SNRNP70: variants seen among roughly 807,000 people sequenced by gnomAD.
The protein encoded by SNRNP70 is small nuclear ribonucleoprotein U1 subunit 70.
In SNRNP70, 8 loss-of-function variants were observed where a neutral mutation model predicts 50.5. That is an observed-to-expected ratio of 0.16 (90% CI 0.09 to 0.29). SNRNP70 has a LOEUF of 0.29. Ranked by LOEUF, SNRNP70 falls within the 10% of genes least tolerant of loss-of-function variation. The pLI, the probability that SNRNP70 is intolerant of heterozygous loss-of-function variation, is 1.00. For synonymous variants in SNRNP70, 320 were observed against 252.9 expected (o/e 1.27, Z -2.52); for missense variants, 529 against 663.5 (o/e 0.80, Z 2.23).
rs774134257 is a variant in SNRNP70 at position 49,108,254 on chromosome 19, CCGCGAG to C, written c.1127_1132del (p.Arg376_Glu377del). The C allele has an allele frequency of 1.9e-5, 30 of 1,547,524 alleles. No individual in the cohort carries two copies. The highest frequency in any genetic ancestry group is 2.4e-5 in the East Asian group (1 of 41,248). The stretch of plus-strand genomic sequence containing the variant: ...ACCGGGATCGTGACCGTGACCGTGA[CCGCGAG>C]CACAAACGGGGGGAGCGGGGCAGTG... On this transcript the variant is annotated inframe_deletion, in exon 10 of 10. Transcript: ENST00000598441.
chr19:49,101,416 A>T lies in SNRNP70; in HGVS notation c.420A>T (p.Ser140=). 1 of 1,614,040 alleles carries T rather than the reference A, an allele frequency of 6.2e-7. No homozygotes were observed. Among genetic ancestry groups the T allele is most frequent in the Non-Finnish European group, 8.5e-7 (1 of 1,179,940 alleles). Residue 140 remains serine, a synonymous_variant, in exon 7 of 10, where the codon TCA becomes TCT. Transcript: ENST00000598441. The part of the protein sequence containing the change: ...KRIHMVYSKR[S]GKPRGYAFIE... ...TACACATGGTCTACAGTAAGCGGTC[A>T]GGAAAGCCCCGTGGCTATGCCTTCA...
At chr19:49,098,361 G>A (rs771381518) in intron 4 of SNRNP70, 66 bp from the exon 5 acceptor site, 13 of 1,297,070 alleles carry the variant, frequency 1.0e-5, no homozygotes, top group South Asian at 2.6e-5. Flanking sequence ...TCTGCCCATC[G>A]TATTTGTTTT....
intron 4 of SNRNP70, among the ~76,000 whole-genome samples, chr19:49,092,891 T>G (rs534293679): frequency 7.1e-6 from 1 of 141,224 alleles, no homozygotes; most frequent in Non-Finnish European, 1.6e-5. Flanking sequence ...TCAGCCATTG[T>G]GCTCAGCCTC....
chr19:49,107,175 G>A lies in SNRNP70; in HGVS notation c.578-450G>A, dbSNP rs1293897622. Reference sequence around the variant, plus strand: ...CGCAGCCAAGAGCCGCGGCTCAGACGCTAGCAGGGCCCGCTCTTGCTGCCT... The same window carrying A: ...CGCAGCCAAGAGCCGCGGCTCAGACACTAGCAGGGCCCGCTCTTGCTGCCT... On this transcript the variant is annotated intron_variant, in intron 8 of 9. Transcript: ENST00000598441. This position sits in a 1 kb window ranked among gnomAD's most constrained non-coding sequence, Gnocchi z 6.0. 3.9e-5 allele frequency among the ~76,000 whole-genome samples: 6 copies of A among 152,232 alleles called. No individual in the cohort carries two copies. Among genetic ancestry groups the A allele is most frequent in the African/African-American group, 1.2e-4 (5 of 41,472 alleles).
Position 49,108,309 on chromosome 19 carries a change from G to A in SNRNP70, c.1180G>A (p.Gly394Ser). ...TGAGCGGGGCAGGGATGAGGCCCGA[G>A]GTGGGGGCGGTGGCCAGGACAACGG... is the stretch of plus-strand genomic sequence containing the variant. Reference protein sequence around the residue: ...GSERGRDEARGGGGGQDNGLE... With the variant: ...GSERGRDEARSGGGGQDNGLE... Residue 394 changes from glycine (G) to serine (S), a missense_variant, in exon 10 of 10, where the codon GGT (glycine) becomes AGT (serine). Coordinates refer to ENST00000598441, the MANE Select transcript of SNRNP70 (RefSeq NM_003089.6). 2 of 1,587,624 alleles carry A rather than the reference G, an allele frequency of 1.3e-6. No individual in the cohort carries two copies. The highest frequency in any genetic ancestry group is 2.3e-5 in the East Asian group (1 of 43,218).
rs558739244 is a variant in SNRNP70, at chr19:49,086,994, T to G, written c.147+433T>G. ...TGAGGTGAGGAGTTGAAGACCAGCC[T>G]GGCCAACATGGTGAAACCACGTCTC... On this transcript the variant is annotated intron_variant, in intron 2 of 9. Coordinates refer to ENST00000598441, the MANE Select transcript of SNRNP70 (RefSeq NM_003089.6). 1.3e-3 allele frequency among the ~76,000 whole-genome samples: 196 copies of G among 152,090 alleles called. 2 individuals carry two copies. The highest frequency in any genetic ancestry group is 4.4e-3 in the African/African-American group (182 of 41,482).
intron 4 of SNRNP70, 26 bp downstream of exon 4, chr19:49,090,546 T>C (rs781384701): frequency 6.2e-7 from 1 of 1,610,152 alleles, no homozygotes; most frequent in Non-Finnish European, 8.5e-7. Flanking sequence ...ACCATTTGGC[T>C]CTCTCCTCTC....
intron 4 of SNRNP70, among the ~76,000 whole-genome samples, chr19:49,097,330 C>G (rs1212520354): frequency 6.6e-6 from 1 of 152,088 alleles, no homozygotes; most frequent in Non-Finnish European, 1.5e-5. Flanking sequence ...GTTTTACTTC[C>G]ATTTGCAAAA....
At chr19:49,099,909 C>T (rs2040560732) in intron 6 of SNRNP70, among the ~76,000 whole-genome samples, 1 of 151,912 alleles carries the variant, frequency 6.6e-6, no homozygotes, top group Admixed American at 6.6e-5. Context: ...AGTGTGGTGT[C>T]TCGTGCCTGT....
chr19:49,107,728 C>G lies in SNRNP70; in HGVS notation c.665+16C>G, dbSNP rs745659524. 4.1e-5 allele frequency: 66 copies of G among 1,613,494 alleles called. No homozygotes were observed. The highest frequency in any genetic ancestry group is 5.4e-5 in the Non-Finnish European group (64 of 1,179,864). On this transcript the variant is annotated intron_variant, in intron 9 of 9. Transcript: ENST00000598441. This position sits in a 1 kb window ranked among gnomAD's most constrained non-coding sequence, Gnocchi z 6.0. The stretch of plus-strand genomic sequence containing the variant: ...ACGATGAGAGGTAAGATTGGGCGAC[C>G]GGTGTCCTGGGGTGGGGGGCGGTCA...
chr19:49,108,403 C>T lies in SNRNP70; in HGVS notation c.1274C>T (p.Ala425Val), dbSNP rs1383990546. Residue 425 changes from alanine to valine, a missense_variant, in exon 10 of 10, where the codon GCT (alanine) becomes GTT (valine). Physicochemically the swap from Ala to Val is moderately conservative, Grantham distance 64. Coordinates refer to ENST00000598441, the MANE Select transcript of SNRNP70 (RefSeq NM_003089.6). ...MESEGGDGYL[A>V]PENGYLMEAA... ...TCTGAGGGCGGCGACGGCTACCTGG[C>T]TCCGGAGAATGGGTATTTGATGGAG... The T allele has an allele frequency of 2.5e-6, 4 of 1,610,820 alleles. No homozygotes were observed. Among genetic ancestry groups the T allele is most frequent in the Non-Finnish European group, 3.4e-6 (4 of 1,178,726 alleles).
Position 49,098,505 on chromosome 19 carries a change from T to C in SNRNP70, c.330+14T>C. ...GTGGCGAGAGTGGTAAGTCCCCAGC[T>C]CCTAGCTCCTGGAACCCCACGCTGC... is the stretch of plus-strand genomic sequence containing the variant. On this transcript the variant is annotated intron_variant, in intron 5 of 9. Transcript: ENST00000598441. 1 of 1,612,566 alleles carries C rather than the reference T, an allele frequency of 6.2e-7. No individual in the cohort carries two copies. The highest frequency in any genetic ancestry group is 8.5e-7 in the Non-Finnish European group (1 of 1,178,762).
intron 2 of SNRNP70, among the ~76,000 whole-genome samples, chr19:49,086,771 G>A (rs1023155768): frequency 6.6e-6 from 1 of 152,154 alleles, no homozygotes; most frequent in Admixed American, 6.6e-5. Context: ...TCAGGAGGCT[G>A]AGGTGGGAGG....
intron 6 of SNRNP70, 80 bp from the exon 7 acceptor site, chr19:49,101,310 T>C (rs1159159420): frequency 9.8e-7 from 1 of 1,020,140 alleles, no homozygotes; most frequent in African/African-American, 1.6e-5. Flanking sequence ...GCCCAGGGCC[T>C]GGTGTGCAGG....
At chr19:49,103,613 C>T (rs1194095848) in intron 7 of SNRNP70, 2 of 152,488 alleles carry the variant, frequency 1.3e-5, no homozygotes, top group East Asian at 3.9e-4. Flanking sequence ...TTCTCTTCCT[C>T]TGGTTGTTAT....
chr19:49,107,704 C>T lies in SNRNP70; in HGVS notation c.657C>T (p.Tyr219=), dbSNP rs764261711. ...CAGGCCGCGATGACACCTCCCGCTA[C>T]GATGAGAGGTAAGATTGGGCGACCG... The part of the protein sequence containing the change: ...RHSGRDDTSR[Y]DERPGPSPLP... The change falls in exon 9 of 10, where the codon TAC becomes TAT. Residue 219 remains tyrosine, a synonymous_variant. Coordinates refer to ENST00000598441, the MANE Select transcript of SNRNP70 (RefSeq NM_003089.6). This position sits in a 1 kb window ranked among gnomAD's most constrained non-coding sequence, Gnocchi z 6.0. 26 of 1,613,860 alleles carry T rather than the reference C, an allele frequency of 1.6e-5. No homozygotes were observed. The highest frequency in any genetic ancestry group is 6.7e-5 in the African/African-American group (5 of 74,904).
At chr19:49,094,456 G>A (rs2040487670) in intron 4 of SNRNP70, among the ~76,000 whole-genome samples, 1 of 152,094 alleles carries the variant, frequency 6.6e-6, no homozygotes, top group Admixed American at 6.6e-5. Flanking sequence ...CTGAGGTCAT[G>A]CCACTGCACT....
chr19:49,095,738 G>C (rs2122341140), intron 4 of SNRNP70, among the ~76,000 whole-genome samples: 1 of 152,042 alleles, frequency 6.6e-6, no homozygotes, highest in East Asian at 1.9e-4. Context: ...TGATCAGGCT[G>C]GTCTTCTTGA....
chr19:49,085,971 CCTT>C (rs1325026048), intron 1 of SNRNP70, among the ~76,000 whole-genome samples: 3 of 152,194 alleles, frequency 2.0e-5, no homozygotes, highest in African/African-American at 7.2e-5. Context: ...GGGCTTCGCT[CCTT>C]ATGTTTCTCT....
Sources: gnomAD v4.1 joint callset for allele counts (sites outside exome capture counted in the v4.1 genomes callset) on GRCh38, gnomAD v4.1.1 for gene constraint, Gnocchi (gnomAD v3.1) non-coding constraint, MANE v1.5 for transcripts, NCBI Gene and HGNC (gene_info 2026-07-23, HGNC 2026-07-21) for gene names.